The following C1QTNF1 variants were observed in gnomAD, a reference collection of about 807,000 sequenced individuals.
C1QTNF1 encodes the protein complement C1q tumor necrosis factor-related protein 1.
A neutral mutation model predicts 27.8 loss-of-function variants in C1QTNF1; 22 were observed. The ratio of observed to expected loss-of-function variants is 0.79; its 90% CI spans 0.56 to 1.13. The LOEUF (loss-of-function observed/expected upper bound fraction) is 1.13. C1QTNF1 is among the 50% of genes most tolerant of loss of function. C1QTNF1 has a pLI of 0.00. For missense variants in C1QTNF1, 373 were observed against 380.2 expected (o/e 0.98, Z 0.16); for synonymous variants, 166 against 154.3 (o/e 1.08, Z -0.56).
At chr17:79,026,423 G>A (rs185825050) in intron 1 of C1QTNF1, among the ~76,000 whole-genome samples, 157 of 152,250 alleles carry the variant, frequency 1.0e-3, no homozygotes, top group Non-Finnish European at 1.8e-3. Context: ...CAAAGTGCTG[G>A]GATTACAGGG....
chr17:79,043,696 G>C, intron 1 of C1QTNF1: 1 of 595,450 alleles, frequency 1.7e-6, no homozygotes, highest in South Asian at 1.5e-5. Flanking sequence ...GTGTGTGCAT[G>C]TGTGGGGGTT....
chr17:79,028,026 CCAGGACGGCCGT>C (rs1377462822), intron 1 of C1QTNF1, among the ~76,000 whole-genome samples: 1 of 152,196 alleles, frequency 6.6e-6, no homozygotes, highest in Non-Finnish European at 1.5e-5. Flanking sequence ...CCCATCCTGT[CCAGGACGGCCGT>C]CGGGACGGCT....
chr17:79,040,047 G>A (rs1262600033), intron 1 of C1QTNF1, among the ~76,000 whole-genome samples: 3 of 152,190 alleles, frequency 2.0e-5, no homozygotes, highest in Non-Finnish European at 2.9e-5. Flanking sequence ...AATATTTGCT[G>A]AGCACCAGTG....
chr17:79,043,313 G>A (rs1400073688), intron 1 of C1QTNF1: 2 of 453,808 alleles, frequency 4.4e-6, no homozygotes, highest in South Asian at 1.6e-5. Flanking sequence ...GTGCATGTGA[G>A]TTGTGCATGT....
intron 1 of C1QTNF1, among the ~76,000 whole-genome samples, chr17:79,038,831 G>A (rs114840971): frequency 0.023 from 3,566 of 152,324 alleles, 117 homozygotes; most frequent in African/African-American, 0.081. Context: ...TTGCCCAAAA[G>A]TGACTAAAAT....
chr17:79,031,759 C>G (rs2072145563), intron 1 of C1QTNF1, among the ~76,000 whole-genome samples: 1 of 152,232 alleles, frequency 6.6e-6, no homozygotes, highest in Non-Finnish European at 1.5e-5. Context: ...TTTCATTAGA[C>G]TGTCTTCCTG....
chr17:79,030,319 T>TGTGTGTGTG (rs1568060766), intron 1 of C1QTNF1, among the ~76,000 whole-genome samples: 1 of 147,830 alleles, frequency 6.8e-6, no homozygotes, highest in Non-Finnish European at 1.5e-5. Flanking sequence ...CTTTGTGGTT[T>TGTGTGTGTG]TGTGTGTGTG....
rs754739302 is a variant in C1QTNF1 at position 79,046,572 on chromosome 17, A to G, written c.173A>G (p.Glu58Gly). 5.0e-6 allele frequency: 8 copies of G among 1,614,196 alleles called. No homozygotes were observed. Among genetic ancestry groups the G allele is most frequent in the Non-Finnish European group, 6.8e-6 (8 of 1,180,024 alleles). The change falls in exon 3 of 4, where the codon GAA becomes GGA. Residue 58 changes from glutamate to glycine, a missense_variant. By Grantham distance (98) the Glu-to-Gly change is moderately conservative. Transcript: ENST00000579760. This position sits in a 1 kb window ranked among gnomAD's most constrained non-coding sequence, Gnocchi z 4.8. Reference sequence around the variant, plus strand: ...TCCCTCAGGGCTGAAGAACAACATGAAAAATACAGGCCCAGTCAGGACCAG... The same window carrying G: ...TCCCTCAGGGCTGAAGAACAACATGGAAAATACAGGCCCAGTCAGGACCAG... ...DHAERAEEQH[E>G]KYRPSQDQGL...
rs147771658 is a variant in C1QTNF1, at chr17:79,027,188, C to T, written c.-15+2694C>T. ...CAGGTTACACCATCCCCTGGACGAT[C>T]CCACCTCTGCCTGACAATCAGTAGC... On this transcript the variant is annotated intron_variant, in intron 1 of 3. Transcript: ENST00000579760. 3.2e-4 allele frequency among the ~76,000 whole-genome samples: 49 copies of T among 152,200 alleles called. No homozygotes were observed. The East Asian group carries it at 9.1e-3, about 28-fold the overall frequency.
chr17:79,039,223 A>G (rs1405082451), intron 1 of C1QTNF1, among the ~76,000 whole-genome samples: 1 of 152,248 alleles, frequency 6.6e-6, no homozygotes, highest in Admixed American at 6.5e-5. Flanking sequence ...GTTTGGAGAC[A>G]TTTTTTGTTG....
At chr17:79,025,463 A>G (rs1221448585) in intron 1 of C1QTNF1, among the ~76,000 whole-genome samples, 1 of 152,160 alleles carries the variant, frequency 6.6e-6, no homozygotes. Flanking sequence ...AGGAGGCAAC[A>G]TGACGTGCTG....
intron 1 of C1QTNF1, among the ~76,000 whole-genome samples, chr17:79,030,023 C>T (rs566401073): frequency 7.9e-5 from 12 of 152,220 alleles, no homozygotes; most frequent in South Asian, 2.1e-4. Context: ...CCCGTGGTTC[C>T]GCTTGAGCCT....
Position 79,048,345 on chromosome 17 carries a change from C to T in C1QTNF1, c.*257C>T. 2.4e-6 allele frequency: 1 copy of T among 425,206 alleles called. No homozygotes were observed. The highest frequency in any genetic ancestry group is 4.1e-6 in the Non-Finnish European group (1 of 243,008). 26.3% of individuals were successfully genotyped at this position (425,206 alleles called of 1,614,324 possible). ...TTCCGCGGCCCTCTCTGCACACATC[C>T]TCAAGTGACCCCGCACGGCGAGACG... is the stretch of plus-strand genomic sequence containing the variant. On this transcript the variant is annotated 3_prime_UTR_variant, in exon 4 of 4. Transcript: ENST00000579760.
chr17:79,046,703 G>C lies in C1QTNF1; in HGVS notation c.295+9G>C. ...CATCACTATCTTGAAAGGTCAGATG[G>C]CTGCAAAGACAAGCACGGGGTGGCC... On this transcript the variant is annotated intron_variant, in intron 3 of 3. Transcript: ENST00000579760. The surrounding 1 kb of genome is among the most constrained non-coding windows in gnomAD (Gnocchi z 4.8). 1 of 1,614,072 alleles carries C rather than the reference G, an allele frequency of 6.2e-7. No individual in the cohort carries two copies. Among genetic ancestry groups the C allele is most frequent in the Non-Finnish European group, 8.5e-7 (1 of 1,179,988 alleles).
At chr17:79,039,377 C>T (rs567233287) in intron 1 of C1QTNF1, among the ~76,000 whole-genome samples, 7 of 150,574 alleles carry the variant, frequency 4.6e-5, no homozygotes, top group South Asian at 4.3e-4. Flanking sequence ...TTGGCTGGCG[C>T]GGTGGCAAAC....
rs570510279 is a variant in C1QTNF1, at chr17:79,033,543, AT to A, written c.-15+9060del. Among the ~76,000 whole-genome samples the A allele has an allele frequency of 2.4e-3, 318 of 130,858 alleles. 3 individuals are homozygous for A. The East Asian group carries it at 0.031, about 13-fold the overall frequency. The allele number at this position is 130,858 out of a possible 152,430, so 85.8% of individuals were successfully genotyped here. On this transcript the variant is annotated intron_variant, in intron 1 of 3. Transcript: ENST00000579760. ...GAGATCCTGTCTCTAAAAAAAAAAA[AT>A]TTTTTTTTTTAATTAGCTGGATGTG...
Position 79,046,038 on chromosome 17 carries a change from G to A in C1QTNF1, c.156-517G>A, listed in dbSNP as rs904148290. On this transcript the variant is annotated intron_variant, in intron 2 of 3. Transcript: ENST00000579760. The surrounding 1 kb of genome is among the most constrained non-coding windows in gnomAD (Gnocchi z 4.8). ...AGCACATGTGATGCCATGAGGGGCC[G>A]CGAGGTGGCAGCCAGGAGCCGCCGC... Among the ~76,000 whole-genome samples the A allele has an allele frequency of 5.3e-5, 8 of 152,198 alleles. No homozygotes were observed. Among genetic ancestry groups the A allele is most frequent in the East Asian group, 1.9e-4 (1 of 5,192 alleles).
At chr17:79,034,094 C>G (rs1221673178) in intron 1 of C1QTNF1, 1 of 152,194 alleles carries the variant, frequency 6.6e-6, no homozygotes, top group Admixed American at 6.5e-5. Flanking sequence ...TTGTCCAGGC[C>G]CCAGACAACC....
Position 79,044,068 on chromosome 17 carries a change from C to T in C1QTNF1, c.100C>T (p.Gln34Ter), listed in dbSNP as rs370342544. 6.2e-7 allele frequency: 1 copy of T among 1,613,762 alleles called. No individual in the cohort carries two copies. The highest frequency in any genetic ancestry group is 1.3e-5 in the African/African-American group (1 of 74,910). The change falls in exon 2 of 4, where the codon CAG becomes TAG. Residue 34 changes from glutamine (Q) to a stop codon, truncating the protein, a stop_gained. Transcript: ENST00000579760. LOFTEE classifies it high-confidence loss of function. ...LSRVPHVQGE[Q>*]QEWEGTEELP... ...TCGTGTGCCCCATGTCCAGGGGGAACAGCAGGAGTGGGAGGGGACTGAGGA... is the reference window on the plus strand; with the variant it reads ...TCGTGTGCCCCATGTCCAGGGGGAATAGCAGGAGTGGGAGGGGACTGAGGA...
Sources: allele counts gnomAD v4.1 joint callset (sites outside exome capture counted in the v4.1 genomes callset), GRCh38; gene constraint gnomAD v4.1.1; non-coding constraint Gnocchi (gnomAD v3.1); transcripts MANE v1.5; gene names NCBI Gene and HGNC (gene_info 2026-07-23, HGNC 2026-07-21).